Variants in CDCP1 observed in about 807,000 individuals in gnomAD.
CDCP1 encodes CUB domain-containing protein 1.
CDCP1 carries 29 observed loss-of-function variants against 60.2 expected under a neutral mutation model. That is an observed-to-expected ratio of 0.48 (90% CI 0.36 to 0.66). CDCP1 has a LOEUF of 0.66. Ranked by LOEUF, CDCP1 falls within the 30% of genes least tolerant of loss-of-function variation. The pLI, the probability that CDCP1 is intolerant of heterozygous loss-of-function variation, is 0.00. For synonymous variants in CDCP1, 387 were observed against 431.1 expected, an observed-to-expected ratio of 0.90 and a Z score of 1.27; for missense variants, 876 against 1,074.3, an observed-to-expected ratio of 0.82 and a Z score of 2.58.
chr3:45,126,108 C>CTTTCTTTCTTTCTTTCTTTCTT (rs1553610965), intron 1 of CDCP1, among the ~76,000 whole-genome samples: 73 of 110,062 alleles, frequency 6.6e-4, no homozygotes, highest in Middle Eastern at 4.3e-3. Flanking sequence ...TTGTCTCTCT[C>CTTTCTTTCTTTCTTTCTTTCTT]TCTTTCTTTC....
chr3:45,142,124 C>A (rs1449605694), intron 1 of CDCP1, among the ~76,000 whole-genome samples: 2 of 152,182 alleles, frequency 1.3e-5, no homozygotes, highest in African/African-American at 4.8e-5. Flanking sequence ...TGAGCCACTG[C>A]GCCTGGCTCG....
chr3:45,115,801 T>C (rs1698780183), intron 2 of CDCP1, among the ~76,000 whole-genome samples: 1 of 152,186 alleles, frequency 6.6e-6, no homozygotes, highest in Non-Finnish European at 1.5e-5. Context: ...CCTCCTGGGT[T>C]TGAGTGATTC....
At chr3:45,088,132 TAC>T (rs1698231473) in intron 8 of CDCP1, among the ~76,000 whole-genome samples, 1 of 152,230 alleles carries the variant, frequency 6.6e-6, no homozygotes. Flanking sequence ...GCAGAATTTA[TAC>T]AGTTTGGCGG....
chr3:45,126,959 T>C (rs1181112372), intron 1 of CDCP1, among the ~76,000 whole-genome samples: 2 of 152,156 alleles, frequency 1.3e-5, no homozygotes, highest in Non-Finnish European at 2.9e-5. Flanking sequence ...CTGACACCGG[T>C]GCCCGGGGCA....
intron 1 of CDCP1, among the ~76,000 whole-genome samples, chr3:45,127,869 G>A (rs1219606965): frequency 6.6e-6 from 1 of 152,206 alleles, no homozygotes; most frequent in East Asian, 1.9e-4. Context: ...CTAGAAAGAA[G>A]CTGGGGCAAG....
At chr3:45,089,588 T>C (rs192785105) in intron 7 of CDCP1, among the ~76,000 whole-genome samples, 2 of 152,204 alleles carry the variant, frequency 1.3e-5, no homozygotes, top group South Asian at 2.1e-4. Flanking sequence ...AGGCTTCTGG[T>C]TGGGGCCCCA....
At chr3:45,117,223 T>C (rs192585149) in intron 2 of CDCP1, among the ~76,000 whole-genome samples, 43 of 152,296 alleles carry the variant, frequency 2.8e-4, no homozygotes, top group Non-Finnish European at 4.1e-4. Flanking sequence ...CTTAAAATGA[T>C]TGAGAAATTA....
At chr3:45,100,401 T>TGTTGGC (rs1698470925) in intron 4 of CDCP1, among the ~76,000 whole-genome samples, 1 of 152,348 alleles carries the variant, frequency 6.6e-6, no homozygotes, top group Admixed American at 6.5e-5. Context: ...TTTGGCTGCT[T>TGTTGGC]GTTGGCAAGG....
Position 45,086,000 on chromosome 3 carries a change from T to A in CDCP1, c.2149A>T (p.Arg717Trp). ...YNDNINTEMP[R>W]QPKKFQKGRK... ...CCTTTCTGAAACTTTTTTGGCTGCC[T>A]CGGCATCTCAGTATTGATGTTGTCA... Residue 717 changes from arginine to tryptophan, a missense_variant, in exon 9 of 9, where the codon AGG (arginine) becomes TGG (tryptophan). Arg to Trp is a moderately radical substitution (Grantham distance 101). Transcript: ENST00000296129. The surrounding 1 kb of genome is among the most constrained non-coding windows in gnomAD (Gnocchi z 4.2). 6.2e-7 allele frequency: 1 copy of A among 1,614,118 alleles called. No homozygotes were observed.
At chr3:45,139,132 C>T (rs932696178) in intron 1 of CDCP1, among the ~76,000 whole-genome samples, 1 of 152,062 alleles carries the variant, frequency 6.6e-6, no homozygotes, top group Non-Finnish European at 1.5e-5. Context: ...ACCCCATGAC[C>T]CAACACTTCC....
chr3:45,085,951 A>T lies in CDCP1; in HGVS notation c.2198T>A (p.Val733Glu), dbSNP rs766030902. The T allele has an allele frequency of 1.2e-6, 2 of 1,614,188 alleles. No individual in the cohort carries two copies. Among genetic ancestry groups the T allele is most frequent in the South Asian group, 2.2e-5 (2 of 91,082 alleles). Residue 733 changes from valine (V) to glutamate (E), a missense_variant, in exon 9 of 9, where the codon GTG becomes GAG. Val to Glu is a moderately radical substitution (Grantham distance 121, BLOSUM62 -2). Transcript: ENST00000296129. The surrounding 1 kb of genome is among the most constrained non-coding windows in gnomAD (Gnocchi z 4.2). Reference protein sequence around the residue: ...QKGRKDNDSHVYAVIEDTMVY... With the variant: ...QKGRKDNDSHEYAVIEDTMVY... ...CATGGTGTCCTCGATGACTGCATAC[A>T]CATGGGAGTCATTGTCCTTTCGCCC...
At chr3:45,088,507 G>T (rs550352325) in intron 8 of CDCP1, among the ~76,000 whole-genome samples, 2 of 152,242 alleles carry the variant, frequency 1.3e-5, no homozygotes, top group South Asian at 4.2e-4. Flanking sequence ...AACAGAAGTT[G>T]TCCTCCTGAG....
rs538294561 is a variant in CDCP1, at chr3:45,125,069, G to A, written c.83-6448C>T. Reference sequence around the variant, plus strand: ...GGTCAAGGAGGGCTTCACAGAAGGCGTATGACTTAAGATGGGTCTAAAAGA... The same window carrying A: ...GGTCAAGGAGGGCTTCACAGAAGGCATATGACTTAAGATGGGTCTAAAAGA... On this transcript the variant is annotated intron_variant, in intron 1 of 8. Transcript: ENST00000296129. Among the ~76,000 whole-genome samples, 6 of 152,342 alleles carry A rather than the reference G, an allele frequency of 3.9e-5. No individual in the cohort carries two copies. The South Asian group carries it at 6.2e-4, about 16-fold the overall frequency.
intron 4 of CDCP1, among the ~76,000 whole-genome samples, chr3:45,101,834 C>T (rs1010246324): frequency 3.4e-5 from 5 of 145,594 alleles, no homozygotes; most frequent in Admixed American, 2.1e-4. Context: ...TGCAGTGAGC[C>T]GAGATCGCAC....
At chr3:45,124,630 T>C (rs1698945156) in intron 1 of CDCP1, among the ~76,000 whole-genome samples, 1 of 152,226 alleles carries the variant, frequency 6.6e-6, no homozygotes, top group Non-Finnish European at 1.5e-5. Context: ...GAGGTCACAT[T>C]GCAGACCAAC....
chr3:45,130,062 C>A (rs1431888882), intron 1 of CDCP1, among the ~76,000 whole-genome samples: 1 of 151,970 alleles, frequency 6.6e-6, no homozygotes, highest in Non-Finnish European at 1.5e-5. Flanking sequence ...GACACACACA[C>A]ACACCTAAAA....
chr3:45,146,312 TG>T lies in CDCP1; in HGVS notation c.-26del. On this transcript the variant is annotated 5_prime_UTR_variant, in exon 1 of 9. Coordinates refer to ENST00000296129, the MANE Select transcript of CDCP1 (RefSeq NM_022842.5). ...TGACTCCGGGACGCCTCGGCCTCGG[TG>T]GGGAAAACGACGGTGGGGAGCGGCG... 6.5e-7 allele frequency: 1 copy of T among 1,541,808 alleles called. No homozygotes were observed. The highest frequency in any genetic ancestry group is 8.7e-7 in the Non-Finnish European group (1 of 1,148,144).
At chr3:45,102,231 C>T (rs551462487) in intron 4 of CDCP1, among the ~76,000 whole-genome samples, 1 of 152,046 alleles carries the variant, frequency 6.6e-6, no homozygotes. Context: ...GCCATCATGC[C>T]TGGCTAAGTT....
chr3:45,086,747 T>C (rs1046791974), intron 8 of CDCP1, among the ~76,000 whole-genome samples: 3 of 152,190 alleles, frequency 2.0e-5, no homozygotes, highest in African/African-American at 7.2e-5. Context: ...TAGCATTTGG[T>C]TTATAATGTT....
Sources: allele counts gnomAD v4.1 joint callset (sites outside exome capture counted in the v4.1 genomes callset), GRCh38; gene constraint gnomAD v4.1.1; non-coding constraint Gnocchi (gnomAD v3.1); transcripts MANE v1.5; gene names NCBI Gene and HGNC (gene_info 2026-07-23, HGNC 2026-07-21).